FAM193A: variants seen among roughly 807,000 people sequenced by gnomAD.
The protein encoded by FAM193A is family with sequence similarity 193 member A, also known as protein FAM193A.
A neutral mutation model predicts 126.5 loss-of-function variants in FAM193A; 22 were observed. That is an observed-to-expected ratio of 0.17 (90% CI 0.12 to 0.25). The LOEUF is 0.25. FAM193A is among the 10% of genes least tolerant of loss of function. FAM193A has a pLI of 1.00. For synonymous variants in FAM193A, 761 were observed against 646.8 expected (o/e 1.18, Z -2.68); for missense variants, 1,675 against 1,672.8 (o/e 1.00, Z -0.02).
chr4:2,656,895 A>G (rs1486136315), intron 7 of FAM193A, among the ~76,000 whole-genome samples: 3 of 152,210 alleles, frequency 2.0e-5, no homozygotes, highest in Admixed American at 6.5e-5. Context: ...AGGCGGGCAC[A>G]GTGGCTCACG....
At chr4:2,674,261 T>C (rs912405454) in intron 13 of FAM193A, among the ~76,000 whole-genome samples, 5 of 152,214 alleles carry the variant, frequency 3.3e-5, no homozygotes, top group African/African-American at 1.2e-4. Context: ...GATTAGTTTG[T>C]GTTATTTGAC....
At chr4:2,617,050 C>G (rs1742230588) in intron 2 of FAM193A, among the ~76,000 whole-genome samples, 1 of 142,646 alleles carries the variant, frequency 7.0e-6, no homozygotes, top group East Asian at 2.2e-4. Flanking sequence ...TGCCTGTCAT[C>G]CCAGCTACTC....
chr4:2,571,924 G>A (rs1278904175), intron 1 of FAM193A, among the ~76,000 whole-genome samples: 1 of 151,304 alleles, frequency 6.6e-6, no homozygotes, highest in African/African-American at 2.4e-5. Context: ...CCAGCACTTC[G>A]AGAGGCTGAG....
At chr4:2,701,782 T>C (rs2109316048) in intron 19 of FAM193A, among the ~76,000 whole-genome samples, 1 of 152,174 alleles carries the variant, frequency 6.6e-6, no homozygotes, top group East Asian at 1.9e-4. Context: ...ATGGTGATTT[T>C]TTTTTTTTTT....
chr4:2,607,727 G>C (rs371565410), intron 2 of FAM193A: 2 of 344,310 alleles, frequency 5.8e-6, no homozygotes, highest in Non-Finnish European at 1.0e-5. Context: ...CCTTACCCTC[G>C]CTGCGGCTCT....
chr4:2,644,259 T>C (rs1393154178), intron 6 of FAM193A, among the ~76,000 whole-genome samples: 1 of 152,174 alleles, frequency 6.6e-6, no homozygotes, highest in Non-Finnish European at 1.5e-5. Flanking sequence ...CAAAATAATC[T>C]GAATTCTATA....
intron 13 of FAM193A, among the ~76,000 whole-genome samples, chr4:2,672,914 G>A (rs1713985953): frequency 6.6e-6 from 1 of 152,214 alleles, no homozygotes; most frequent in South Asian, 2.1e-4. Context: ...GGAGGGGAGG[G>A]TACAGAAAGG....
chr4:2,712,306 T>C (rs1719066559), intron 19 of FAM193A, among the ~76,000 whole-genome samples: 1 of 152,226 alleles, frequency 6.6e-6, no homozygotes, highest in Non-Finnish European at 1.5e-5. Context: ...TTTTGTGTCC[T>C]CATGGCCTGT....
chr4:2,594,943 G>A (rs1010191275), intron 1 of FAM193A, among the ~76,000 whole-genome samples: 5 of 143,782 alleles, frequency 3.5e-5, no homozygotes, highest in Non-Finnish European at 7.5e-5. Context: ...ATTCTCCTGC[G>A]TCAGCCTCCT....
At chr4:2,585,113 A>G (rs76393366) in intron 1 of FAM193A, among the ~76,000 whole-genome samples, 4,373 of 152,250 alleles carry the variant, frequency 0.029, 223 homozygotes, top group African/African-American at 0.099. Flanking sequence ...CCTGTATAGT[A>G]TTTCACCATA....
intron 1 of FAM193A, among the ~76,000 whole-genome samples, chr4:2,590,468 A>G (rs1347657668): frequency 1.2e-5 from 1 of 85,310 alleles, no homozygotes; most frequent in Non-Finnish European, 2.1e-5. Context: ...CATCTCAAAA[A>G]AAAAAAACAA....
chr4:2,647,320 A>G (rs1745250132), intron 7 of FAM193A, among the ~76,000 whole-genome samples: 1 of 151,826 alleles, frequency 6.6e-6, no homozygotes, highest in East Asian at 1.9e-4. Flanking sequence ...CTAGTTTTGT[A>G]TTTTTAGTAG....
intron 1 of FAM193A, 68 bp from the exon 2 acceptor site, chr4:2,596,016 C>A (rs887846733): frequency 3.1e-6 from 2 of 640,638 alleles, no homozygotes; most frequent in Non-Finnish European, 5.6e-6. Flanking sequence ...TAGAACTATA[C>A]ATATATTTTA....
intron 18 of FAM193A, among the ~76,000 whole-genome samples, chr4:2,697,445 A>G (rs1411526338): frequency 6.6e-6 from 1 of 152,146 alleles, no homozygotes; most frequent in Non-Finnish European, 1.5e-5. Flanking sequence ...CAGCTCCCTA[A>G]AAGTGTCAGG....
chr4:2,626,248 C>T (rs1213432850), intron 3 of FAM193A, among the ~76,000 whole-genome samples, 162 bp from the exon 4 acceptor site: 2 of 152,164 alleles, frequency 1.3e-5, no homozygotes, highest in African/African-American at 4.8e-5. Context: ...AGGAGCTGTG[C>T]TGGGGATGCC....
At chr4:2,680,324 C>T (rs1714959671) in intron 13 of FAM193A, among the ~76,000 whole-genome samples, 1 of 151,884 alleles carries the variant, frequency 6.6e-6, no homozygotes, top group South Asian at 2.1e-4. Context: ...GTTCGTAATA[C>T]TTTCTTTTTT....
intron 18 of FAM193A, among the ~76,000 whole-genome samples, chr4:2,699,126 A>G (rs559420640): frequency 1.3e-5 from 2 of 152,256 alleles, no homozygotes; most frequent in East Asian, 3.9e-4. Context: ...TTGAACTCCT[A>G]GGATCACAGG....
chr4:2,651,201 A>G (rs1745629836), intron 7 of FAM193A, among the ~76,000 whole-genome samples: 1 of 152,190 alleles, frequency 6.6e-6, no homozygotes, highest in Admixed American at 6.5e-5. Context: ...GTGGTGGCAC[A>G]TGCCTGTAAT....
intron 18 of FAM193A, among the ~76,000 whole-genome samples, chr4:2,698,538 A>G: frequency 6.6e-6 from 1 of 152,236 alleles, no homozygotes; most frequent in East Asian, 1.9e-4. Flanking sequence ...AATTTTTATC[A>G]TAATTTTTAA....
Sources: allele counts gnomAD v4.1 joint callset (sites outside exome capture counted in the v4.1 genomes callset), GRCh38; gene constraint gnomAD v4.1.1; transcripts MANE v1.5; gene names NCBI Gene and HGNC (gene_info 2026-07-23, HGNC 2026-07-21).